Variants in PRKN observed in about 807,000 individuals in gnomAD.
PRKN encodes the protein parkin RBR E3 ubiquitin protein ligase, also known as E3 ubiquitin-protein ligase parkin.
A neutral mutation model predicts 59.5 loss-of-function variants in PRKN; 56 were observed. The ratio of observed to expected loss-of-function variants is 0.94; its 90% confidence interval spans 0.76 to 1.18. The LOEUF (loss-of-function observed/expected upper bound fraction) is 1.18. PRKN is among the 50% of genes most tolerant of loss of function. The pLI is 0.00. For missense variants in PRKN, 657 were observed against 596.4 expected, an observed-to-expected ratio of 1.10 and a Z score of -1.06; for synonymous variants, 250 against 222.1, an observed-to-expected ratio of 1.13 and a Z score of -1.12.
intron 2 of PRKN, among the ~76,000 whole-genome samples, chr6:162,338,107 CAGA>C (rs1275442738): frequency 6.6e-6 from 1 of 152,102 alleles, no homozygotes; most frequent in African/African-American, 2.4e-5. Flanking sequence ...GCCCGGGAGA[CAGA>C]AGGAGAAGAA....
chr6:161,548,962 C>T lies in PRKN; in HGVS notation c.975G>A (p.Leu325=), dbSNP rs1583215564. ...YQQYGAEECV[L]QMGGVLCPRP... is the part of the protein sequence containing the mutation. Reference sequence around the variant, plus strand: ...GGGGGCATAACACGCCCCCCATCTGCAGGACACACTCCTCTGCACCATACT... The same window carrying T: ...GGGGGCATAACACGCCCCCCATCTGTAGGACACACTCCTCTGCACCATACT... The change falls in exon 9 of 12, where the codon CTG becomes CTA. Residue 325 remains leucine, a synonymous_variant. Transcript: ENST00000366898. The surrounding 1 kb of genome is among the most constrained non-coding windows in gnomAD (Gnocchi z 4.2). 1.2e-6 allele frequency: 2 copies of T among 1,614,198 alleles called. No homozygotes were observed. The highest frequency in any genetic ancestry group is 1.6e-4 in the Middle Eastern group (1 of 6,062).
chr6:161,628,579 A>C (rs1223506164), intron 7 of PRKN, among the ~76,000 whole-genome samples: 1 of 152,202 alleles, frequency 6.6e-6, no homozygotes, highest in African/African-American at 2.4e-5. Flanking sequence ...GCAGTGGGTA[A>C]ACATTTAGTG....
At chr6:162,712,714 C>A (rs1306832950) in intron 1 of PRKN, among the ~76,000 whole-genome samples, 1 of 152,166 alleles carries the variant, frequency 6.6e-6, no homozygotes, top group Non-Finnish European at 1.5e-5. Context: ...TGATAGAAAC[C>A]TAGTTAAGAC....
chr6:161,722,275 C>T (rs1364646929), intron 7 of PRKN, among the ~76,000 whole-genome samples: 2 of 152,156 alleles, frequency 1.3e-5, no homozygotes, highest in African/African-American at 4.8e-5. Flanking sequence ...TTTTTGTGTG[C>T]ATTGATTTTT....
At chr6:162,043,212 A>G (rs1287743485) in intron 5 of PRKN, among the ~76,000 whole-genome samples, 2 of 152,206 alleles carry the variant, frequency 1.3e-5, no homozygotes, top group South Asian at 2.1e-4. Context: ...GGGTCCCTCC[A>G]GCAACACATG....
At position 161,473,708 on chromosome 6, in the gene PRKN, T is replaced by C. The variant is rs1752117747; in HGVS notation, c.1083+75146A>G. ...TAATGAAAATTTGCAAAAAAGTAGA[T>C]TTTAGGTGCTATTACTGTATACGTA... On this transcript the variant is annotated intron_variant, in intron 9 of 11. Coordinates refer to ENST00000366898, the MANE Select transcript of PRKN (RefSeq NM_004562.3). This position sits in a 1 kb window ranked among gnomAD's most constrained non-coding sequence, Gnocchi z 4.1. Among the ~76,000 whole-genome samples the C allele has an allele frequency of 6.6e-6, 1 of 152,094 alleles. No individual in the cohort carries two copies. Among genetic ancestry groups the C allele is most frequent in the South Asian group, 2.1e-4 (1 of 4,830 alleles).
chr6:162,348,288 A>T (rs1784487239), intron 2 of PRKN, among the ~76,000 whole-genome samples: 2 of 152,174 alleles, frequency 1.3e-5, no homozygotes, highest in African/African-American at 4.8e-5. Context: ...CCTAACAACC[A>T]ACAACGTGAC....
intron 5 of PRKN, among the ~76,000 whole-genome samples, chr6:162,011,475 A>T (rs1356384624): frequency 7.0e-5 from 1 of 14,216 alleles, no homozygotes; most frequent in African/African-American, 5.7e-4. Context: ...TATAATATAT[A>T]ATATATTATA....
intron 9 of PRKN, among the ~76,000 whole-genome samples, chr6:161,514,023 C>G (rs1263596595): frequency 6.6e-6 from 1 of 151,552 alleles, no homozygotes; most frequent in Admixed American, 6.6e-5. Flanking sequence ...TATTTTAGGA[C>G]CCCAGGAATT....
chr6:161,556,621 A>G (rs1413952162), intron 8 of PRKN, among the ~76,000 whole-genome samples: 1 of 152,234 alleles, frequency 6.6e-6, no homozygotes, highest in Non-Finnish European at 1.5e-5. Context: ...AGTATAAAAT[A>G]TGTGTGATAA....
At chr6:162,569,861 C>A (rs1420508252) in intron 1 of PRKN, 1 of 356,178 alleles carries the variant, frequency 2.8e-6, no homozygotes, top group East Asian at 6.3e-5. Context: ...AGCCCACCCA[C>A]GGGGGAGTTT....
At chr6:162,169,889 T>C (rs762002783) in intron 4 of PRKN, among the ~76,000 whole-genome samples, 3 of 152,126 alleles carry the variant, frequency 2.0e-5, no homozygotes, top group Non-Finnish European at 4.4e-5. Context: ...TGGGGGAAAA[T>C]AGCAATAAAA....
intron 1 of PRKN, among the ~76,000 whole-genome samples, chr6:162,687,194 T>TC (rs918094296): frequency 2.0e-5 from 3 of 150,792 alleles, no homozygotes; most frequent in African/African-American, 7.3e-5. Context: ...TTTTCTTTTT[T>TC]TTTTTTTTTG....
chr6:161,387,304 G>T (rs1786302800), intron 9 of PRKN, among the ~76,000 whole-genome samples: 1 of 152,216 alleles, frequency 6.6e-6, no homozygotes, highest in South Asian at 2.1e-4. Context: ...GTTCTCACGA[G>T]ATCTGACGGT....
intron 2 of PRKN, among the ~76,000 whole-genome samples, chr6:162,331,898 G>C (rs572617656): frequency 6.6e-6 from 1 of 152,146 alleles, no homozygotes; most frequent in African/African-American, 2.4e-5. Context: ...CCATTTTTGA[G>C]AATGCATGTT....
At chr6:162,038,111 G>C (rs775284931) in intron 5 of PRKN, among the ~76,000 whole-genome samples, 2 of 150,768 alleles carry the variant, frequency 1.3e-5, no homozygotes. Flanking sequence ...TTTTCCTCCA[G>C]ATCAACTGGT....
intron 9 of PRKN, among the ~76,000 whole-genome samples, chr6:161,534,979 T>G (rs1235288582): frequency 6.6e-6 from 1 of 152,244 alleles, no homozygotes; most frequent in Non-Finnish European, 1.5e-5. Flanking sequence ...TTACTTCAAG[T>G]GCTACGTGAA....
chr6:162,540,625 G>A (rs909140445), intron 1 of PRKN, among the ~76,000 whole-genome samples: 9 of 151,828 alleles, frequency 5.9e-5, no homozygotes, highest in African/African-American at 2.2e-4. Flanking sequence ...TGGCCAACAT[G>A]GTTAAACCCC....
At chr6:162,530,893 C>T (rs2846472) in intron 1 of PRKN, among the ~76,000 whole-genome samples, 53,034 of 151,296 alleles carry the variant, frequency 0.35, 11,089 homozygotes, top group Middle Eastern at 0.51. Flanking sequence ...CCTGTCTCTA[C>T]TAAAATACAA....
Sources: gnomAD v4.1 joint callset for allele counts (sites outside exome capture counted in the v4.1 genomes callset) on GRCh38, gnomAD v4.1.1 for gene constraint, Gnocchi (gnomAD v3.1) non-coding constraint, MANE v1.5 for transcripts, NCBI Gene and HGNC (gene_info 2026-07-23, HGNC 2026-07-21) for gene names.